TENM2: variants seen among roughly 807,000 people sequenced by gnomAD.
TENM2 encodes the protein teneurin-2.
TENM2 carries 52 observed loss-of-function variants against 245.2 expected under a neutral mutation model. That is an observed-to-expected ratio of 0.21 (90% confidence interval 0.17 to 0.27). The LOEUF (loss-of-function observed/expected upper bound fraction) is 0.27, where lower values mean the gene tolerates loss of function less well. TENM2 is among the 10% of genes least tolerant of loss of function. The pLI is 1.00. For missense variants in TENM2, 3,046 were observed against 3,666.8 expected (o/e 0.83, Z 4.37); for synonymous variants, 1,363 against 1,438.9 (o/e 0.95, Z 1.19).
chr5:167,582,643 A>C (rs1775169825), intron 2 of TENM2, among the ~76,000 whole-genome samples: 1 of 152,242 alleles, frequency 6.6e-6, no homozygotes, highest in Non-Finnish European at 1.5e-5. Flanking sequence ...TATTTGTTTT[A>C]AGCAAATTTC....
chr5:168,205,765 C>T (rs1762303930), intron 19 of TENM2, among the ~76,000 whole-genome samples: 2 of 152,114 alleles, frequency 1.3e-5, no homozygotes, highest in Non-Finnish European at 2.9e-5. Flanking sequence ...GACAAGAGTA[C>T]ATTGTATTGC....
chr5:168,185,195 C>G (rs1330558514), intron 13 of TENM2: 1 of 152,144 alleles, frequency 6.6e-6, no homozygotes, highest in African/African-American at 2.4e-5. Context: ...AAGCGTCACC[C>G]CTCCTAATAA....
At chr5:167,509,863 GT>G (rs1365804912) in intron 2 of TENM2, among the ~76,000 whole-genome samples, 2 of 152,150 alleles carry the variant, frequency 1.3e-5, no homozygotes, top group Non-Finnish European at 2.9e-5. Flanking sequence ...GCATAGCCAG[GT>G]TTTGGACCTA....
chr5:168,135,477 G>T (rs962201118), intron 12 of TENM2, among the ~76,000 whole-genome samples: 2 of 152,096 alleles, frequency 1.3e-5, no homozygotes, highest in Admixed American at 1.3e-4. Context: ...TCAAAAATGG[G>T]GTTTATTGCT....
intron 2 of TENM2, among the ~76,000 whole-genome samples, chr5:167,512,706 A>T (rs1271988500): frequency 6.6e-6 from 1 of 152,232 alleles, no homozygotes; most frequent in Non-Finnish European, 1.5e-5. Flanking sequence ...AATATGGCTT[A>T]TCCATTGCCC....
intron 2 of TENM2, among the ~76,000 whole-genome samples, chr5:167,566,367 A>G (rs556494767): frequency 1.3e-5 from 2 of 152,282 alleles, no homozygotes; most frequent in Admixed American, 6.5e-5. Flanking sequence ...ATCACATTAC[A>G]TATTTTAGTG....
At chr5:167,980,994 C>T (rs1434789680) in intron 4 of TENM2, among the ~76,000 whole-genome samples, 1 of 152,148 alleles carries the variant, frequency 6.6e-6, no homozygotes, top group Non-Finnish European at 1.5e-5. Flanking sequence ...CAGCCAAGTC[C>T]CTCCCTGAGA....
At chr5:167,212,903 T>G in the TENM2 span, among the ~76,000 whole-genome samples, 2 of 152,152 alleles carry the variant, frequency 1.3e-5, no homozygotes, top group East Asian at 1.9e-4. Context: ...GTATTGCCGG[T>G]TTTTCTTTTG....
chr5:167,926,484 C>T (rs1777769076), intron 3 of TENM2, among the ~76,000 whole-genome samples: 1 of 152,086 alleles, frequency 6.6e-6, no homozygotes, highest in Non-Finnish European at 1.5e-5. Context: ...CTTTGGGAGG[C>T]CAAGGCGGAC....
At chr5:167,848,627 C>T (rs1046220106) in intron 2 of TENM2, among the ~76,000 whole-genome samples, 9 of 152,130 alleles carry the variant, frequency 5.9e-5, no homozygotes, top group Non-Finnish European at 1.2e-4. Context: ...AATGATTTCT[C>T]GGACAGTCAT....
chr5:168,161,829 C>CACACACAT (rs1757771974), intron 12 of TENM2, among the ~76,000 whole-genome samples: 2 of 151,834 alleles, frequency 1.3e-5, no homozygotes, highest in Admixed American at 1.3e-4. Flanking sequence ...CACACACACA[C>CACACACAT]ACACACACAC....
At chr5:167,751,098 A>C (rs939383933) in intron 2 of TENM2, among the ~76,000 whole-genome samples, 3 of 152,132 alleles carry the variant, frequency 2.0e-5, no homozygotes, top group African/African-American at 7.2e-5. Context: ...TTGAAAGGAC[A>C]GGGTTGCCAG....
the TENM2 span, among the ~76,000 whole-genome samples, chr5:167,021,803 T>G: frequency 6.6e-6 from 1 of 152,176 alleles, no homozygotes; most frequent in African/African-American, 2.4e-5. Context: ...AGAATCCTGG[T>G]TTTGTCATGT....
chr5:167,061,091 A>AACACACACAC, the TENM2 span, among the ~76,000 whole-genome samples: 7 of 149,650 alleles, frequency 4.7e-5, no homozygotes, highest in Non-Finnish European at 1.0e-4. Context: ...CTCTCTCCAA[A>AACACACACAC]ACACACACAC....
At chr5:168,079,281 G>A (rs1226355946) in intron 7 of TENM2, among the ~76,000 whole-genome samples, 1 of 152,134 alleles carries the variant, frequency 6.6e-6, no homozygotes, top group Non-Finnish European at 1.5e-5. Flanking sequence ...CATTGATTTT[G>A]TATCCTGAGA....
chr5:167,210,053 T>C, the TENM2 span, among the ~76,000 whole-genome samples: 5 of 152,228 alleles, frequency 3.3e-5, no homozygotes, highest in Non-Finnish European at 5.9e-5. Context: ...TAGATTCAAA[T>C]AGAATTCAGG....
upstream of TENM2, among the ~76,000 whole-genome samples, chr5:167,280,171 T>C (rs911327805): frequency 1.3e-5 from 2 of 151,986 alleles, no homozygotes; most frequent in Non-Finnish European, 2.9e-5. Context: ...AACCCAGGGA[T>C]AGAGGAATGG....
At chr5:167,022,233 A>C in the TENM2 span, among the ~76,000 whole-genome samples, 1 of 152,228 alleles carries the variant, frequency 6.6e-6, no homozygotes, top group Non-Finnish European at 1.5e-5. Flanking sequence ...ACAAAGTCTA[A>C]TATGGTGGTT....
chr5:167,535,490 T>G (rs1771789486), intron 2 of TENM2, among the ~76,000 whole-genome samples: 1 of 152,156 alleles, frequency 6.6e-6, no homozygotes, highest in Non-Finnish European at 1.5e-5. Flanking sequence ...GCCATGATTT[T>G]AATACGTCCT....
Sources: allele counts gnomAD v4.1 joint callset (sites outside exome capture counted in the v4.1 genomes callset), GRCh38; gene constraint gnomAD v4.1.1; transcripts MANE v1.5; gene names NCBI Gene and HGNC (gene_info 2026-07-23, HGNC 2026-07-21).